Variants in CACNA2D3 observed in about 807,000 individuals in gnomAD.
The protein encoded by CACNA2D3 is voltage-dependent calcium channel subunit alpha-2/delta-3.
A neutral mutation model predicts 160.6 loss-of-function variants in CACNA2D3; 60 were observed. That is an observed-to-expected ratio of 0.37 (90% CI 0.30 to 0.46). The LOEUF is 0.46. Ranked by LOEUF, CACNA2D3 falls within the 20% of genes least tolerant of loss-of-function variation. The probability of loss-of-function intolerance (pLI) is 1.00; values close to 1 mark genes in which losing one functional copy is unlikely to be tolerated. For missense variants in CACNA2D3, 1,205 were observed against 1,365.0 expected, an observed-to-expected ratio of 0.88 and a Z score of 1.85; for synonymous variants, 558 against 492.9, an observed-to-expected ratio of 1.13 and a Z score of -1.75.
intron 5 of CACNA2D3, among the ~76,000 whole-genome samples, chr3:54,552,193 A>G (rs1232055676): frequency 6.6e-6 from 1 of 151,350 alleles, no homozygotes; most frequent in African/African-American, 2.4e-5. Flanking sequence ...GCATCTAGGA[A>G]CTCTCGGAGG....
chr3:54,265,618 ATATATATAGTGTG>A (rs1361211957), intron 2 of CACNA2D3, among the ~76,000 whole-genome samples: 11 of 149,586 alleles, frequency 7.4e-5, no homozygotes, highest in Non-Finnish European at 1.5e-4. Flanking sequence ...TAGTGTGTAT[ATATATATAGTGTG>A]TATATATATA....
chr3:54,785,882 G>A (rs2106637913), intron 13 of CACNA2D3, among the ~76,000 whole-genome samples: 1 of 152,136 alleles, frequency 6.6e-6, no homozygotes, highest in Middle Eastern at 3.4e-3. Context: ...TTAGCAATGT[G>A]CCATCTACCC....
intron 2 of CACNA2D3, among the ~76,000 whole-genome samples, chr3:54,202,570 T>C (rs1295725232): frequency 6.6e-6 from 1 of 152,234 alleles, no homozygotes; most frequent in Non-Finnish European, 1.5e-5. Context: ...TTGTGGTCTA[T>C]TTACTATGAT....
intron 10 of CACNA2D3, among the ~76,000 whole-genome samples, chr3:54,641,900 C>T (rs541412292): frequency 2.6e-5 from 4 of 152,214 alleles, no homozygotes; most frequent in Non-Finnish European, 5.9e-5. Context: ...AAGGTCTGTT[C>T]GGTTGGTTGG....
Position 54,437,608 on chromosome 3 carries a change from C to T in CACNA2D3, c.381+50834C>T, listed in dbSNP as rs74844687. 4.1e-3 allele frequency among the ~76,000 whole-genome samples: 617 copies of T among 152,336 alleles called. 9 individuals are homozygous for T. Among genetic ancestry groups the T allele is most frequent in the East Asian group, 0.022 (112 of 5,188 alleles). ...GGTGCCGATATTGCCAGTCACTCCT[C>T]CTAGACCTCAAGGATGTTCAAGAAA... On this transcript the variant is annotated intron_variant, in intron 4 of 37. Coordinates refer to ENST00000474759, the MANE Select transcript of CACNA2D3 (RefSeq NM_018398.3).
chr3:54,900,475 G>C (rs1049869705), intron 27 of CACNA2D3, among the ~76,000 whole-genome samples: 3 of 152,156 alleles, frequency 2.0e-5, no homozygotes, highest in Non-Finnish European at 2.9e-5. Flanking sequence ...TGGATGGCTA[G>C]GGGCTTTCAT....
At chr3:54,779,535 A>C (rs552520685) in intron 13 of CACNA2D3, among the ~76,000 whole-genome samples, 1 of 152,294 alleles carries the variant, frequency 6.6e-6, no homozygotes, top group South Asian at 2.1e-4. Context: ...ATTTCCCCCA[A>C]GTTCTTACCA....
At chr3:54,501,922 T>C (rs1701301227) in intron 4 of CACNA2D3, among the ~76,000 whole-genome samples, 1 of 152,214 alleles carries the variant, frequency 6.6e-6, no homozygotes, top group Admixed American at 6.5e-5. Context: ...TGATGGTTCT[T>C]TCTTTGAACA....
At chr3:55,055,175 T>C (rs1704331295) in intron 35 of CACNA2D3, among the ~76,000 whole-genome samples, 1 of 152,092 alleles carries the variant, frequency 6.6e-6, no homozygotes, top group African/African-American at 2.4e-5. Flanking sequence ...TTTCTGCTAG[T>C]AGTTTTATAG....
chr3:54,281,157 G>C (rs1575364821), intron 2 of CACNA2D3, among the ~76,000 whole-genome samples: 1 of 152,286 alleles, frequency 6.6e-6, no homozygotes, highest in Non-Finnish European at 1.5e-5. Flanking sequence ...GGAAGTGTGG[G>C]AAGCCGACAG....
chr3:54,673,762 G>C (rs1474785418), intron 11 of CACNA2D3, among the ~76,000 whole-genome samples: 1 of 152,096 alleles, frequency 6.6e-6, no homozygotes, highest in East Asian at 1.9e-4. Context: ...TATGCTGATG[G>C]GTTTGGCACA....
At chr3:54,218,673 A>G (rs1373234765) in intron 2 of CACNA2D3, among the ~76,000 whole-genome samples, 3 of 152,218 alleles carry the variant, frequency 2.0e-5, no homozygotes, top group Non-Finnish European at 4.4e-5. Context: ...TGAATTTATT[A>G]TTTAGTAGTT....
intron 2 of CACNA2D3, among the ~76,000 whole-genome samples, chr3:54,149,950 T>TC (rs1700115095): frequency 1.6e-5 from 1 of 62,882 alleles, no homozygotes; most frequent in Non-Finnish European, 3.0e-5. Context: ...CCTCCCTCCC[T>TC]CCCTCCCTCT....
chr3:54,196,710 T>C (rs1274418376), intron 2 of CACNA2D3, among the ~76,000 whole-genome samples: 1 of 152,218 alleles, frequency 6.6e-6, no homozygotes, highest in Non-Finnish European at 1.5e-5. Context: ...TAATTTCACA[T>C]AGAAAATAAT....
At chr3:55,001,202 C>T (rs1161990568) in intron 31 of CACNA2D3, among the ~76,000 whole-genome samples, 1 of 152,202 alleles carries the variant, frequency 6.6e-6, no homozygotes, top group Non-Finnish European at 1.5e-5. Flanking sequence ...AACACCAGCA[C>T]AGCTTCTGAT....
At chr3:54,537,022 T>G (rs568057938) in intron 5 of CACNA2D3, among the ~76,000 whole-genome samples, 1 of 152,110 alleles carries the variant, frequency 6.6e-6, no homozygotes, top group South Asian at 2.1e-4. Flanking sequence ...CTCCTGTCAA[T>G]AACAATGACT....
chr3:55,030,900 C>T (rs529341615), intron 35 of CACNA2D3, among the ~76,000 whole-genome samples: 1 of 152,186 alleles, frequency 6.6e-6, no homozygotes, highest in East Asian at 1.9e-4. Flanking sequence ...CCTCCTGAGT[C>T]CATGATATAA....
intron 2 of CACNA2D3, among the ~76,000 whole-genome samples, chr3:54,236,787 C>T (rs753057035): frequency 1.3e-5 from 2 of 152,084 alleles, no homozygotes; most frequent in Non-Finnish European, 2.9e-5. Flanking sequence ...TCCAGCCCTG[C>T]GCCATAACTG....
chr3:54,126,457 G>T (rs1024216220), intron 2 of CACNA2D3, among the ~76,000 whole-genome samples: 5 of 152,156 alleles, frequency 3.3e-5, no homozygotes, highest in African/African-American at 9.7e-5. Flanking sequence ...TTGTTTCTAT[G>T]TTTAATACCA....
Sources: gnomAD v4.1 joint callset for allele counts (sites outside exome capture counted in the v4.1 genomes callset) on GRCh38, gnomAD v4.1.1 for gene constraint, MANE v1.5 for transcripts, NCBI Gene and HGNC (gene_info 2026-07-23, HGNC 2026-07-21) for gene names.